SYNPO2: variants seen among roughly 807,000 people sequenced by gnomAD.
SYNPO2 encodes synaptopodin 2.
In SYNPO2, 56 loss-of-function variants were observed where a neutral mutation model predicts 85.0. The ratio of observed to expected loss-of-function variants is 0.66; its 90% confidence interval spans 0.53 to 0.82. The LOEUF is 0.82. Ranked by LOEUF, SYNPO2 falls within the 40% of genes least tolerant of loss-of-function variation. The pLI is 0.00. For synonymous variants in SYNPO2, 602 were observed against 591.1 expected (o/e 1.02, Z -0.27); for missense variants, 1,575 against 1,534.2 (o/e 1.03, Z -0.44).
intron 1 of SYNPO2, among the ~76,000 whole-genome samples, chr4:118,929,437 A>G (rs1490367524): frequency 6.6e-6 from 1 of 152,126 alleles, no homozygotes; most frequent in East Asian, 1.9e-4. Flanking sequence ...CAAAGTTTTA[A>G]AACCATAAGG....
At chr4:118,877,741 T>G (rs1196541374) in intron 1 of SYNPO2, among the ~76,000 whole-genome samples, 2 of 152,142 alleles carry the variant, frequency 1.3e-5, no homozygotes, top group Admixed American at 1.3e-4. Flanking sequence ...AAGGGAACAC[T>G]TACACACTGC....
chr4:118,885,541 C>T (rs1208218317), upstream of SYNPO2, among the ~76,000 whole-genome samples: 4 of 150,528 alleles, frequency 2.7e-5, no homozygotes, highest in East Asian at 2.0e-4. Flanking sequence ...GGTACGGTCT[C>T]GGCTCACTGC....
chr4:118,858,942 C>A (rs1731559116), intron 1 of SYNPO2, among the ~76,000 whole-genome samples: 1 of 152,160 alleles, frequency 6.6e-6, no homozygotes, highest in South Asian at 2.1e-4. Context: ...ATCATAACCA[C>A]CCACATCCCA....
intron 1 of SYNPO2, among the ~76,000 whole-genome samples, chr4:118,949,276 A>G (rs1294190009): frequency 6.6e-6 from 1 of 152,176 alleles, no homozygotes; most frequent in Non-Finnish European, 1.5e-5. Flanking sequence ...AGATTATTAG[A>G]AAAACAAAAG....
chr4:118,911,095 T>C (rs1035076604), intron 1 of SYNPO2, among the ~76,000 whole-genome samples: 4 of 152,190 alleles, frequency 2.6e-5, no homozygotes, highest in African/African-American at 4.8e-5. Flanking sequence ...ACATAAAAGA[T>C]CTTTAATAAG....
intron 1 of SYNPO2, among the ~76,000 whole-genome samples, chr4:118,971,171 G>A (rs970000713): frequency 2.0e-5 from 3 of 152,196 alleles, no homozygotes; most frequent in African/African-American, 4.8e-5. Flanking sequence ...TGATTTCTGA[G>A]ATTTGCTCAG....
chr4:119,029,532 A>G lies in SYNPO2; in HGVS notation c.1070-313A>G, dbSNP rs1385129628. ...TTCTTAATTCTAATTTTATCCTATT[A>G]ATTGACATTTACTAGCCAGTTTTTA... On this transcript the variant is annotated intron_variant, in intron 3 of 4. Transcript: ENST00000307142. Among the ~76,000 whole-genome samples, 44 of 152,120 alleles carry G rather than the reference A, an allele frequency of 2.9e-4. 2 individuals are homozygous for G. Among genetic ancestry groups the G allele is most frequent in the Admixed American group, 2.9e-3 (44 of 15,278 alleles).
At chr4:118,911,572 C>G (rs1390054744) in intron 1 of SYNPO2, among the ~76,000 whole-genome samples, 1 of 152,088 alleles carries the variant, frequency 6.6e-6, no homozygotes, top group African/African-American at 2.4e-5. Flanking sequence ...ATAAAAGTTT[C>G]TTGGCAAGTT....
chr4:119,058,082 G>A lies in SYNPO2; in HGVS notation c.*148G>A, dbSNP rs896437195. On this transcript the variant is annotated 3_prime_UTR_variant, in exon 5 of 5. Coordinates refer to ENST00000307142, the MANE Select transcript of SYNPO2 (RefSeq NM_133477.3). The stretch of plus-strand genomic sequence containing the variant: ...TTTATCTAAGTTTGTGTTTCTGTGT[G>A]TGTGTGTGTGTGTGTATGTATGTGA... The A allele has an allele frequency of 1.7e-5, 11 of 651,564 alleles. No individual in the cohort carries two copies. The African/African-American group carries it at 2.7e-4, about 16-fold the overall frequency. 40.4% of individuals were successfully genotyped at this position (651,564 alleles called of 1,614,324 possible). A position where few individuals can be genotyped will look rare whatever the true frequency, so the allele number is the denominator to read the frequency against.
intron 1 of SYNPO2, among the ~76,000 whole-genome samples, chr4:118,871,670 G>A (rs1731803696): frequency 6.6e-6 from 1 of 151,348 alleles, no homozygotes; most frequent in South Asian, 2.1e-4. Context: ...CCGGGTTCAC[G>A]CCATTCTCCT....
chr4:118,995,203 T>A (rs1350187012), intron 1 of SYNPO2, among the ~76,000 whole-genome samples: 1 of 152,150 alleles, frequency 6.6e-6, no homozygotes, highest in African/African-American at 2.4e-5. Context: ...AGCCTGTAGG[T>A]CTCATTTGCA....
At chr4:118,940,021 C>G (rs1291835132) in intron 1 of SYNPO2, among the ~76,000 whole-genome samples, 2 of 129,324 alleles carry the variant, frequency 1.5e-5, no homozygotes, top group African/African-American at 5.8e-5. Context: ...GAGTCTTGCT[C>G]TGTCCCCGGG....
At chr4:118,854,683 A>C (rs1731476140) in intron 1 of SYNPO2, among the ~76,000 whole-genome samples, 1 of 152,296 alleles carries the variant, frequency 6.6e-6, no homozygotes, top group Non-Finnish European at 1.5e-5. Context: ...ATTAACAAAC[A>C]TATAAAGGAG....
intron 1 of SYNPO2, among the ~76,000 whole-genome samples, chr4:118,876,161 C>G (rs1419104565): frequency 6.6e-6 from 1 of 152,166 alleles, no homozygotes; most frequent in African/African-American, 2.4e-5. Flanking sequence ...GTCCAAGAGG[C>G]TCAGCTTCGT....
At chr4:118,900,729 A>ATG (rs1560841265) in intron 1 of SYNPO2, among the ~76,000 whole-genome samples, 116 of 93,942 alleles carry the variant, frequency 1.2e-3, no homozygotes, top group African/African-American at 4.2e-3. Context: ...ATATATATAT[A>ATG]TATGTCTGTC....
At chr4:119,000,750 A>G (rs746502859) in intron 1 of SYNPO2, among the ~76,000 whole-genome samples, 3 of 152,216 alleles carry the variant, frequency 2.0e-5, no homozygotes, top group Non-Finnish European at 4.4e-5. Context: ...GAAGAAGCAA[A>G]GATTAACAAG....
chr4:118,952,216 C>A (rs1734725617), intron 1 of SYNPO2, among the ~76,000 whole-genome samples: 1 of 152,192 alleles, frequency 6.6e-6, no homozygotes. Flanking sequence ...TGTATGCAAT[C>A]TGTCTATCCA....
In SYNPO2 at chr4:119,026,503, C is replaced by A. The variant is rs568776649; in HGVS notation, c.258-124C>A. On this transcript the variant is annotated intron_variant, in intron 2 of 4. Coordinates refer to ENST00000307142, the MANE Select transcript of SYNPO2 (RefSeq NM_133477.3). ...CCTTCTGTTTTCAAATATGTTGCAACTGACATTTAGAAGAAAATATTTTGA... is the reference window on the plus strand; with the variant it reads ...CCTTCTGTTTTCAAATATGTTGCAAATGACATTTAGAAGAAAATATTTTGA... The A allele has an allele frequency of 8.4e-6, 9 of 1,074,932 alleles. No homozygotes were observed. The East Asian group carries it at 2.2e-4, about 26-fold the overall frequency. The allele number at this position is 1,074,932 out of a possible 1,614,324, so 66.6% of individuals were successfully genotyped here. A position where few individuals can be genotyped will look rare whatever the true frequency, so the allele number is the denominator to read the frequency against.
chr4:118,928,741 G>C (rs1223361469), intron 1 of SYNPO2, among the ~76,000 whole-genome samples: 1 of 152,138 alleles, frequency 6.6e-6, no homozygotes, highest in Non-Finnish European at 1.5e-5. Flanking sequence ...GTTAAACCTA[G>C]TTATCTTGGG....
Sources: gnomAD v4.1 joint callset for allele counts (sites outside exome capture counted in the v4.1 genomes callset) on GRCh38, gnomAD v4.1.1 for gene constraint, MANE v1.5 for transcripts, NCBI Gene and HGNC (gene_info 2026-07-23, HGNC 2026-07-21) for gene names.